Variants in CUX1 observed in about 807,000 individuals in gnomAD.
The protein encoded by CUX1 is protein CASP.
A neutral mutation model predicts 158.8 loss-of-function variants in CUX1; 31 were observed. The observed-to-expected ratio is 0.20, with a 90% CI of 0.15 to 0.26. The LOEUF (loss-of-function observed/expected upper bound fraction) is 0.26. Among genes scored for constraint, CUX1 ranks in the 10% least tolerant of loss-of-function variants. CUX1 has a pLI of 1.00. For missense variants in CUX1, 1,589 were observed against 2,014.6 expected (o/e 0.79, Z 4.04); for synonymous variants, 879 against 862.1 (o/e 1.02, Z -0.34).
chr7:102,220,815 CTTAT>C (rs1250014199), intron 20 of CUX1, among the ~76,000 whole-genome samples: 5 of 151,956 alleles, frequency 3.3e-5, no homozygotes, highest in African/African-American at 9.7e-5. Context: ...ATTTTATTTA[CTTAT>C]TTATTTTTTT....
chr7:101,858,116 C>G (rs1013893139), intron 1 of CUX1, among the ~76,000 whole-genome samples: 3 of 152,144 alleles, frequency 2.0e-5, no homozygotes, highest in African/African-American at 7.2e-5. Flanking sequence ...GAGCGAGACT[C>G]TGTCTCAAAA....
At chr7:101,870,202 G>C (rs1798373554) in intron 1 of CUX1, among the ~76,000 whole-genome samples, 1 of 134,326 alleles carries the variant, frequency 7.4e-6, no homozygotes, top group South Asian at 2.3e-4. Flanking sequence ...CACCCAGACC[G>C]TTGTACAGTG....
intron 4 of CUX1, among the ~76,000 whole-genome samples, chr7:102,078,757 T>C (rs1827049895): frequency 6.6e-6 from 1 of 152,206 alleles, no homozygotes; most frequent in Non-Finnish European, 1.5e-5. Flanking sequence ...GATGTAGGTT[T>C]TTCGGAAGTC....
intron 1 of CUX1, among the ~76,000 whole-genome samples, chr7:101,894,518 G>T (rs754681498): frequency 5.9e-5 from 9 of 152,082 alleles, no homozygotes; most frequent in Non-Finnish European, 1.0e-4. Flanking sequence ...CGCCGTGTTG[G>T]CCAGGCTGGT....
At position 101,860,569 on chromosome 7, in the gene CUX1, C is replaced by T. The variant is rs534887333; in HGVS notation, c.30+42900C>T. Among the ~76,000 whole-genome samples, 8 of 152,276 alleles carry T rather than the reference C, an allele frequency of 5.3e-5. No homozygotes were observed. The East Asian group carries it at 1.5e-3, about 29-fold the overall frequency. ...CCTGCTGTCACCTGCCATCACCTGTCCCAGGGCCTGGGGCTAGCCACTGCT... is the reference window on the plus strand; with the variant it reads ...CCTGCTGTCACCTGCCATCACCTGTTCCAGGGCCTGGGGCTAGCCACTGCT... On this transcript the variant is annotated intron_variant, in intron 1 of 23. Coordinates refer to ENST00000292535, the MANE Select transcript of CUX1 (RefSeq NM_181552.4).
intron 1 of CUX1, among the ~76,000 whole-genome samples, chr7:101,825,798 TGCGCGCGC>T (rs72447961): frequency 4.3e-4 from 34 of 78,336 alleles, no homozygotes; most frequent in African/African-American, 1.8e-3. Context: ...TGTGTGTGTG[TGCGCGCGC>T]GCGCGCAGTT....
At chr7:102,193,164 G>T (rs1343322937) in intron 12 of CUX1, among the ~76,000 whole-genome samples, 1 of 152,268 alleles carries the variant, frequency 6.6e-6, no homozygotes, top group Non-Finnish European at 1.5e-5. Flanking sequence ...CCAGTTAGGA[G>T]TGAGGTGTGG....
intron 1 of CUX1, among the ~76,000 whole-genome samples, chr7:101,833,108 G>A (rs1022896524): frequency 4.6e-5 from 7 of 151,990 alleles, no homozygotes; most frequent in African/African-American, 1.4e-4. Flanking sequence ...TTCAAGGATC[G>A]GAAAGGCAAG....
intron 1 of CUX1, among the ~76,000 whole-genome samples, chr7:101,901,120 G>C (rs1802095674): frequency 6.6e-6 from 1 of 152,106 alleles, no homozygotes; most frequent in Admixed American, 6.5e-5. Context: ...ATAACAAGAA[G>C]CTGCTGAATC....
At chr7:101,860,002 C>CCCTTCCTTCCTT (rs1389162637) in intron 1 of CUX1, among the ~76,000 whole-genome samples, 1 of 140,768 alleles carries the variant, frequency 7.1e-6, no homozygotes, top group East Asian at 2.4e-4. Context: ...CTACCTTCCT[C>CCCTTCCTTCCTT]CCTTCCTTCC....
At position 101,864,027 on chromosome 7, in the gene CUX1, AC is replaced by A. The variant is rs1328662081; in HGVS notation, c.30+46361del. 3.3e-5 allele frequency among the ~76,000 whole-genome samples: 5 copies of A among 152,008 alleles called. No individual in the cohort carries two copies. The South Asian group carries it at 8.3e-4, about 25-fold the overall frequency. On this transcript the variant is annotated intron_variant, in intron 1 of 23. Transcript: ENST00000292535. ...TCTGGTGTGTATATATCTCTTCAAG[AC>A]CCAGTTTTCGTTTCTTTTGAGTTTA...
At chr7:101,852,047 C>T (rs961987506) in intron 1 of CUX1, among the ~76,000 whole-genome samples, 3 of 151,750 alleles carry the variant, frequency 2.0e-5, no homozygotes, top group African/African-American at 7.3e-5. Context: ...CCGGACTGGC[C>T]TTGAACTCCT....
chr7:102,111,883 C>A, intron 7 of CUX1, 109 bp downstream of exon 7: 3 of 936,530 alleles, frequency 3.2e-6, no homozygotes, highest in Admixed American at 2.2e-5. Context: ...CTCTTCGGGG[C>A]CGTGGGAGCT....
chr7:102,260,778 C>A (rs1286492216), downstream of CUX1, among the ~76,000 whole-genome samples: 1 of 152,010 alleles, frequency 6.6e-6, no homozygotes, highest in Non-Finnish European at 1.5e-5. Context: ...CAGGGTGGCG[C>A]GACGTGATGA....
At chr7:102,227,766 C>A in intron 21 of CUX1, 97 bp downstream of exon 21, 1 of 1,276,360 alleles carries the variant, frequency 7.8e-7, no homozygotes, top group Non-Finnish European at 1.1e-6. Flanking sequence ...ACCACAGAGT[C>A]TCAACTTGTG....
chr7:102,039,393 A>C (rs1821794753), intron 3 of CUX1, among the ~76,000 whole-genome samples: 1 of 152,062 alleles, frequency 6.6e-6, no homozygotes, highest in Non-Finnish European at 1.5e-5. Flanking sequence ...CAACCTTTCC[A>C]GTCTTTGACT....
At chr7:102,137,140 G>A (rs1554498951) in intron 8 of CUX1, among the ~76,000 whole-genome samples, 1 of 152,116 alleles carries the variant, frequency 6.6e-6, no homozygotes, top group Non-Finnish European at 1.5e-5. Flanking sequence ...TATAGGTCTG[G>A]GAAGAATCGT....
In CUX1 at chr7:102,248,826, C is replaced by A. The variant is rs1554538250; in HGVS notation, c.4302C>A (p.Ala1434=). ...CCGCGCCGGGGGAGGGCCCCGCGGC[C>A]CCGAGCTCCGCGCCGCCGCCCAGCA... ...AAAAPGEGPA[A]PSSAPPPSNS... Residue 1434 remains alanine (A), a synonymous_variant, in exon 24 of 24, where the codon GCC becomes GCA. Transcript: ENST00000292535. The surrounding 1 kb of genome is among the most constrained non-coding windows in gnomAD (Gnocchi z 5.8). 1.7e-6 allele frequency: 2 copies of A among 1,177,994 alleles called. No homozygotes were observed. Among genetic ancestry groups the A allele is most frequent in the Non-Finnish European group, 2.1e-6 (2 of 950,178 alleles). The allele number at this position is 1,177,994 out of a possible 1,614,324, so 73.0% of individuals were successfully genotyped here. A position where few individuals can be genotyped will look rare whatever the true frequency, so the allele number is the denominator to read the frequency against.
At chr7:101,970,595 G>A (rs1364890655) in intron 2 of CUX1, among the ~76,000 whole-genome samples, 5 of 151,978 alleles carry the variant, frequency 3.3e-5, no homozygotes, top group Middle Eastern at 3.4e-3. Context: ...CCATTCAGTC[G>A]CCCAGGCTGG....
Sources: gnomAD v4.1 joint callset for allele counts (sites outside exome capture counted in the v4.1 genomes callset) on GRCh38, gnomAD v4.1.1 for gene constraint, Gnocchi (gnomAD v3.1) non-coding constraint, MANE v1.5 for transcripts, NCBI Gene and HGNC (gene_info 2026-07-23, HGNC 2026-07-21) for gene names.